Variants in SORCS3 observed in about 807,000 individuals in gnomAD.
SORCS3 encodes the protein VPS10 domain-containing receptor SorCS3.
SORCS3 carries 57 observed loss-of-function variants against 146.3 expected under a neutral mutation model. The ratio of observed to expected loss-of-function variants is 0.39; its 90% CI spans 0.31 to 0.49. The LOEUF (loss-of-function observed/expected upper bound fraction) is 0.49. Ranked by LOEUF, SORCS3 falls within the 20% of genes least tolerant of loss-of-function variation. The pLI, the probability that SORCS3 is intolerant of heterozygous loss-of-function variation, is 0.92. For synonymous variants in SORCS3, 653 were observed against 618.5 expected, an observed-to-expected ratio of 1.06 and a Z score of -0.83; for missense variants, 1,341 against 1,575.5, an observed-to-expected ratio of 0.85 and a Z score of 2.52.
chr10:105,207,527 T>TCC (rs1204298452), intron 16 of SORCS3, among the ~76,000 whole-genome samples: 2 of 152,148 alleles, frequency 1.3e-5, no homozygotes, highest in African/African-American at 4.8e-5. Flanking sequence ...TTCTGGTGCA[T>TCC]TCTGTCCAAA....
chr10:105,106,922 T>C (rs1299203810), intron 7 of SORCS3, among the ~76,000 whole-genome samples: 2 of 152,158 alleles, frequency 1.3e-5, no homozygotes, highest in Non-Finnish European at 2.9e-5. Context: ...CTAGAGTTCC[T>C]CAAGTTTCTG....
chr10:104,973,055 A>T (rs2054870532), intron 3 of SORCS3, among the ~76,000 whole-genome samples: 1 of 152,100 alleles, frequency 6.6e-6, no homozygotes, highest in African/African-American at 2.4e-5. Flanking sequence ...CCACTTGATC[A>T]TGGTGGATAA....
chr10:105,214,386 A>G, intron 17 of SORCS3, 56 bp from the exon 18 acceptor site: 1 of 1,595,664 alleles, frequency 6.3e-7, no homozygotes. Flanking sequence ...ACACACATAC[A>G]ACAGCAACAA....
chr10:104,924,123 C>T (rs1288737670), intron 3 of SORCS3, among the ~76,000 whole-genome samples: 2 of 152,156 alleles, frequency 1.3e-5, no homozygotes, highest in African/African-American at 2.4e-5. Flanking sequence ...TCATTTAACT[C>T]GTTTCCATTC....
At chr10:104,971,405 C>T (rs1564725276) in intron 3 of SORCS3, among the ~76,000 whole-genome samples, 2 of 152,210 alleles carry the variant, frequency 1.3e-5, no homozygotes, top group African/African-American at 2.4e-5. Flanking sequence ...ACACTGTCCT[C>T]ACGGACTTAT....
At chr10:104,893,624 G>A (rs1279344527) in intron 2 of SORCS3, among the ~76,000 whole-genome samples, 2 of 152,282 alleles carry the variant, frequency 1.3e-5, no homozygotes, top group East Asian at 3.9e-4. Context: ...CCCCTGGTGC[G>A]AGACCTTTAA....
intron 1 of SORCS3, among the ~76,000 whole-genome samples, chr10:104,679,073 C>T (rs7078991): frequency 0.97 from 148,045 of 152,336 alleles, 72,018 homozygotes; most frequent in East Asian, 1. Context: ...AGTTAGAATG[C>T]GGATGAGAAG....
At chr10:104,963,399 C>G (rs1215157335) in intron 3 of SORCS3, among the ~76,000 whole-genome samples, 1 of 152,140 alleles carries the variant, frequency 6.6e-6, no homozygotes, top group African/African-American at 2.4e-5. Flanking sequence ...CCATCAGTTG[C>G]ATTTGACACA....
intron 4 of SORCS3, among the ~76,000 whole-genome samples, chr10:104,977,813 C>A (rs1264865840): frequency 1.4e-5 from 2 of 146,908 alleles, no homozygotes; most frequent in Non-Finnish European, 3.0e-5. Context: ...CTCACTGTAA[C>A]CTCTGCCTCC....
At chr10:104,998,418 G>A (rs2055039847) in intron 4 of SORCS3, among the ~76,000 whole-genome samples, 7 of 152,122 alleles carry the variant, frequency 4.6e-5, no homozygotes, top group Admixed American at 4.6e-4. Context: ...AGAGATCTCT[G>A]CTTGTCATAA....
chr10:105,263,741 T>A lies in SORCS3; in HGVS notation c.*367T>A, dbSNP rs2056975242. ...ATCCCCACAGCAGAATCACCAACAC[T>A]CTCCGCTTCCCCCAGCACACACACA... On this transcript the variant is annotated 3_prime_UTR_variant, in exon 27 of 27. Transcript: ENST00000369701. 4.4e-6 allele frequency: 1 copy of A among 227,334 alleles called. No homozygotes were observed. 14.1% of individuals were successfully genotyped at this position (227,334 alleles called of 1,614,324 possible).
intron 7 of SORCS3, among the ~76,000 whole-genome samples, chr10:105,116,090 A>G (rs183780777): frequency 1.9e-3 from 286 of 152,340 alleles, no homozygotes; most frequent in African/African-American, 5.8e-3. Context: ...ATGTGTAATG[A>G]TTATAGTGGT....
chr10:104,940,204 T>TTATATATATATATATATATATATA (rs71022748), intron 3 of SORCS3, among the ~76,000 whole-genome samples: 18 of 52,998 alleles, frequency 3.4e-4, no homozygotes, highest in Non-Finnish European at 5.9e-4. Context: ...TCCTTTTCTT[T>TTATATATATATATATATATATATA]TATATATATA....
intron 23 of SORCS3, among the ~76,000 whole-genome samples, chr10:105,254,047 C>T (rs1004414226): frequency 5.3e-5 from 8 of 152,296 alleles, no homozygotes; most frequent in East Asian, 1.9e-4. Flanking sequence ...CAGCCTAAGT[C>T]GGCCTCAGCT....
At chr10:104,697,501 G>T (rs1328823564) in intron 1 of SORCS3, among the ~76,000 whole-genome samples, 1 of 152,174 alleles carries the variant, frequency 6.6e-6, no homozygotes, top group Non-Finnish European at 1.5e-5. Flanking sequence ...GCTTAGGTCT[G>T]ATGGTGTATT....
At chr10:104,837,249 ATAT>A (rs1311055867) in intron 1 of SORCS3, among the ~76,000 whole-genome samples, 1 of 152,230 alleles carries the variant, frequency 6.6e-6, no homozygotes, top group Non-Finnish European at 1.5e-5. Flanking sequence ...CAGAGAAATC[ATAT>A]TATCCCAGTA....
Position 105,078,349 on chromosome 10 carries a change from C to T in SORCS3, c.1029-11426C>T, listed in dbSNP as rs1011198828. 2.0e-5 allele frequency among the ~76,000 whole-genome samples: 3 copies of T among 151,998 alleles called. No individual in the cohort carries two copies. In the South Asian group the frequency reaches 6.2e-4, roughly 32 times the overall value. On this transcript the variant is annotated intron_variant, in intron 5 of 26. Transcript: ENST00000369701. ...AAATGCAATTTAGTCAGATCTAGAG[C>T]CTGTCTTTAAGAAGAATGAAATCAA...
Position 105,264,526 on chromosome 10 carries a change from T to C in SORCS3, c.*1152T>C, listed in dbSNP as rs1277109876. 2 of 152,396 alleles carry C rather than the reference T, an allele frequency of 1.3e-5. No individual in the cohort carries two copies. The highest frequency in any genetic ancestry group is 2.9e-5 in the Non-Finnish European group (2 of 68,014). The allele number at this position is 152,396 out of a possible 1,614,324, so 9.4% of individuals were successfully genotyped here. On this transcript the variant is annotated 3_prime_UTR_variant, in exon 27 of 27. Transcript: ENST00000369701. The stretch of plus-strand genomic sequence containing the variant: ...CTTGGCATGGGAGGAGTTAAAGAGG[T>C]TGGAAGGGAAGAGGCATTTGTGGAA...
intron 7 of SORCS3, among the ~76,000 whole-genome samples, chr10:105,118,653 A>G (rs2133763269): frequency 6.6e-6 from 1 of 152,276 alleles, no homozygotes; most frequent in South Asian, 2.1e-4. Flanking sequence ...AGTGATATGG[A>G]CAAGGAAGTC....
Sources: allele counts gnomAD v4.1 joint callset (sites outside exome capture counted in the v4.1 genomes callset), GRCh38; gene constraint gnomAD v4.1.1; transcripts MANE v1.5; gene names NCBI Gene and HGNC (gene_info 2026-07-23, HGNC 2026-07-21).